The following DPP6 variants were observed in gnomAD, a reference collection of about 807,000 sequenced individuals.
The protein encoded by DPP6 is A-type potassium channel modulatory protein DPP6.
Under a neutral mutation model 122.6 loss-of-function variants are expected in DPP6, and 69 were observed. The ratio of observed to expected loss-of-function variants is 0.56; its 90% CI spans 0.46 to 0.69. The LOEUF is 0.69. Among genes scored for constraint, DPP6 ranks in the 30% least tolerant of loss-of-function variants. The pLI, the probability that DPP6 is intolerant of heterozygous loss-of-function variation, is 0.00. For missense variants in DPP6, 928 were observed against 1,116.9 expected, an observed-to-expected ratio of 0.83 and a Z score of 2.41; for synonymous variants, 418 against 433.1, an observed-to-expected ratio of 0.97 and a Z score of 0.43.
chr7:153,954,078 A>G (rs1802344473), intron 1 of DPP6, among the ~76,000 whole-genome samples: 1 of 152,142 alleles, frequency 6.6e-6, no homozygotes, highest in Non-Finnish European at 1.5e-5. Context: ...ACAGATCTCC[A>G]TCGCTTCTAT....
intron 5 of DPP6, among the ~76,000 whole-genome samples, chr7:154,572,881 T>C (rs998768028): frequency 1.3e-5 from 2 of 151,726 alleles, no homozygotes; most frequent in Non-Finnish European, 2.9e-5. Flanking sequence ...GGTTTCACCA[T>C]GTTGGTTAGG....
chr7:154,740,161 C>G (rs1842751217), intron 8 of DPP6, among the ~76,000 whole-genome samples: 1 of 152,156 alleles, frequency 6.6e-6, no homozygotes, highest in Non-Finnish European at 1.5e-5. Flanking sequence ...TGTTCAGTGA[C>G]TATATTTTTC....
rs1795606231 is a variant in DPP6, at chr7:154,762,262, T to G, written c.884-7155T>G. On this transcript the variant is annotated intron_variant, in intron 8 of 25. Transcript: ENST00000377770. Reference sequence around the variant, plus strand: ...TCTTCATTCAAAACACTGCCCTGGTTCAAGGAGCAAAGAATCACCTCTTCT... The same window carrying G: ...TCTTCATTCAAAACACTGCCCTGGTGCAAGGAGCAAAGAATCACCTCTTCT... 2.0e-5 allele frequency among the ~76,000 whole-genome samples: 3 copies of G among 152,230 alleles called. No homozygotes were observed. In the South Asian group the frequency reaches 6.2e-4, roughly 32 times the overall value.
rs566900069 is a variant in DPP6, at chr7:154,637,796, C to T, written c.628-25C>T. 6 of 1,556,000 alleles carry T rather than the reference C, an allele frequency of 3.9e-6. No homozygotes were observed. The East Asian group carries it at 1.4e-4, about 36-fold the overall frequency. ...TAACAGCCTTTGTCTCAATGCCTAC[C>T]TTTTTTCCTTTTTGTCTGTTGCAGA... On this transcript the variant is annotated intron_variant, in intron 5 of 25. Transcript: ENST00000377770.
chr7:154,265,013 A>T (rs1202028017), intron 1 of DPP6, among the ~76,000 whole-genome samples: 2 of 149,788 alleles, frequency 1.3e-5, no homozygotes, highest in African/African-American at 5.1e-5. Flanking sequence ...AATGATAGTG[A>T]TAGTGATGAT....
intron 1 of DPP6, among the ~76,000 whole-genome samples, chr7:154,065,772 G>T (rs1755689788): frequency 6.6e-6 from 1 of 152,158 alleles, no homozygotes; most frequent in African/African-American, 2.4e-5. Flanking sequence ...TAGAGGCCCT[G>T]AGTTGGACTC....
the DPP6 span, among the ~76,000 whole-genome samples, chr7:153,770,724 G>T: frequency 1.3e-5 from 2 of 152,182 alleles, no homozygotes; most frequent in Non-Finnish European, 2.9e-5. Context: ...TATGTTAAAG[G>T]CATGAATGGA....
intron 2 of DPP6, among the ~76,000 whole-genome samples, chr7:154,465,735 A>G (rs1439483715): frequency 6.6e-6 from 1 of 152,254 alleles, no homozygotes; most frequent in East Asian, 1.9e-4. Context: ...GTGGAGAAAT[A>G]GGAACACTTT....
At chr7:154,328,046 C>A (rs1366261179) in intron 1 of DPP6, among the ~76,000 whole-genome samples, 2 of 152,152 alleles carry the variant, frequency 1.3e-5, no homozygotes, top group African/African-American at 4.8e-5. Context: ...GTTATTCATG[C>A]TTGCTGGAAC....
intron 10 of DPP6, 48 bp from the exon 11 acceptor site, chr7:154,794,031 C>T (rs1255295318): frequency 1.3e-6 from 2 of 1,591,322 alleles, no homozygotes; most frequent in East Asian, 2.3e-5. Context: ...TGGCTTCTGT[C>T]GTGCGGGGGT....
At chr7:154,812,399 G>A (rs1347206094) in intron 16 of DPP6, among the ~76,000 whole-genome samples, 6 of 152,140 alleles carry the variant, frequency 3.9e-5, no homozygotes, top group African/African-American at 1.4e-4. Context: ...CTATAGTGAA[G>A]TTCTATAGAC....
In DPP6 at chr7:154,208,880, G is replaced by A. The variant is rs565510174; in HGVS notation, c.243+155817G>A. Among the ~76,000 whole-genome samples, 48 of 152,162 alleles carry A rather than the reference G, an allele frequency of 3.2e-4. 1 individual carries two copies. In the South Asian group the frequency reaches 9.8e-3, roughly 31 times the overall value. On this transcript the variant is annotated intron_variant, in intron 1 of 25. Transcript: ENST00000377770. ...TCAGAATTTAGAACATATTAAATAT[G>A]TAGGCTTTAAAGATTCTTTCCTTGC...
intron 16 of DPP6, among the ~76,000 whole-genome samples, chr7:154,815,913 C>A (rs1349478535): frequency 6.6e-6 from 1 of 152,220 alleles, no homozygotes; most frequent in Non-Finnish European, 1.5e-5. Context: ...AGTATTATTA[C>A]CTGAGCCTAA....
At chr7:153,906,865 T>G (rs1422383342) in intron 1 of DPP6, among the ~76,000 whole-genome samples, 1 of 152,222 alleles carries the variant, frequency 6.6e-6, no homozygotes, top group African/African-American at 2.4e-5. Context: ...TAGTATTCCA[T>G]CGTGTATACG....
intron 1 of DPP6, among the ~76,000 whole-genome samples, chr7:153,939,549 G>A (rs894558417): frequency 2.6e-5 from 4 of 152,288 alleles, no homozygotes; most frequent in South Asian, 4.1e-4. Context: ...TGAAAAAAAA[G>A]GACCTCACTC....
chr7:154,661,884 C>T (rs1366139724), intron 6 of DPP6, among the ~76,000 whole-genome samples: 1 of 150,560 alleles, frequency 6.6e-6, no homozygotes, highest in African/African-American at 2.5e-5. Flanking sequence ...GGTGAATCAC[C>T]ATGGCATATT....
chr7:154,707,065 G>T (rs1044249846), intron 7 of DPP6, among the ~76,000 whole-genome samples: 1 of 152,160 alleles, frequency 6.6e-6, no homozygotes, highest in African/African-American at 2.4e-5. Context: ...GTAATTTGCT[G>T]GAGTGGAAAA....
At chr7:153,886,614 C>A (rs986415728), upstream of DPP6, among the ~76,000 whole-genome samples, 1 of 152,206 alleles carries the variant, frequency 6.6e-6, no homozygotes, top group Non-Finnish European at 1.5e-5. Context: ...CCCTGCCACC[C>A]GCGCTGGTAG....
chr7:154,876,012 G>C lies in DPP6; in HGVS notation c.1990G>C (p.Gly664Arg). Residue 664 changes from glycine to arginine, a missense_variant, in exon 20 of 26, where the codon GGC becomes CGC. Gly to Arg is a moderately radical substitution (Grantham distance 125). Transcript: ENST00000377770. ...GGTGGTGGTAAAGTGTGACGGCCGT[G>C]GCAGCGGCTTCCAAGGGACCAAGCT... ...GAVVVKCDGRGSGFQGTKLLH... is the reference protein window; with the variant it reads ...GAVVVKCDGRRSGFQGTKLLH... 6.2e-7 allele frequency: 1 copy of C among 1,613,320 alleles called. No individual in the cohort carries two copies. The highest frequency in any genetic ancestry group is 8.5e-7 in the Non-Finnish European group (1 of 1,179,716).
Sources: allele counts gnomAD v4.1 joint callset (sites outside exome capture counted in the v4.1 genomes callset), GRCh38; gene constraint gnomAD v4.1.1; transcripts MANE v1.5; gene names NCBI Gene and HGNC (gene_info 2026-07-23, HGNC 2026-07-21).